Variants in GABPB1 observed in about 807,000 individuals in gnomAD.
GABPB1 encodes the protein GA binding protein transcription factor subunit beta 1.
A neutral mutation model predicts 45.9 loss-of-function variants in GABPB1; 15 were observed. That is an observed-to-expected ratio of 0.33 (90% CI 0.22 to 0.50). The LOEUF is 0.50. Among genes scored for constraint, GABPB1 ranks in the 20% least tolerant of loss-of-function variants. The pLI is 0.98. For synonymous variants in GABPB1, 143 were observed against 154.4 expected, an observed-to-expected ratio of 0.93 and a Z score of 0.55; for missense variants, 252 against 457.5, an observed-to-expected ratio of 0.55 and a Z score of 4.10.
At chr15:50,282,655 C>T (rs1029868881) in intron 8 of GABPB1, among the ~76,000 whole-genome samples, 10 of 147,908 alleles carry the variant, frequency 6.8e-5, no homozygotes, top group African/African-American at 2.2e-4. Flanking sequence ...GATTGAAAAG[C>T]TTTGCATCAA....
At chr15:50,304,833 C>T (rs2046885674) in intron 2 of GABPB1, among the ~76,000 whole-genome samples, 1 of 152,052 alleles carries the variant, frequency 6.6e-6, no homozygotes, top group Admixed American at 6.6e-5. Context: ...TAAAATTCAT[C>T]TCAAATAAAT....
intron 1 of GABPB1, among the ~76,000 whole-genome samples, chr15:50,315,426 C>G (rs1022016524): frequency 3.3e-5 from 5 of 152,190 alleles, no homozygotes; most frequent in African/African-American, 1.2e-4. Flanking sequence ...GCCACTGCAC[C>G]CAGCAACTAT....
At chr15:50,295,444 C>T (rs1008203702) in intron 6 of GABPB1, among the ~76,000 whole-genome samples, 2 of 152,110 alleles carry the variant, frequency 1.3e-5, no homozygotes, top group African/African-American at 4.8e-5. Context: ...TCCCTACTAA[C>T]GCCTACTTTA....
At chr15:50,308,735 CTCTT>C (rs2047028931) in intron 2 of GABPB1, among the ~76,000 whole-genome samples, 1 of 152,166 alleles carries the variant, frequency 6.6e-6, no homozygotes, top group African/African-American at 2.4e-5. Context: ...GGTTGATAAT[CTCTT>C]TCTTTCTAAT....
chr15:50,337,590 C>A (rs2048195567), intron 1 of GABPB1, among the ~76,000 whole-genome samples: 1 of 151,798 alleles, frequency 6.6e-6, no homozygotes, highest in Non-Finnish European at 1.5e-5. Flanking sequence ...ATGAAGGAAC[C>A]TCATCTCCAC....
chr15:50,342,982 G>GC (rs60546071), intron 1 of GABPB1, among the ~76,000 whole-genome samples: 152,318 of 152,318 alleles, frequency 1, 76,159 homozygotes, highest in Non-Finnish European at 1. Flanking sequence ...CTCACTGCAA[G>GC]TCCGCCTCCC....
chr15:50,311,646 T>A (rs901291490), intron 1 of GABPB1, among the ~76,000 whole-genome samples: 2 of 83,236 alleles, frequency 2.4e-5, no homozygotes, highest in African/African-American at 1.6e-4. Flanking sequence ...AAACCCAAAA[T>A]CGGAAACATT....
Position 50,297,416 on chromosome 15 carries a change from A to G in GABPB1, c.697+3373T>C, listed in dbSNP as rs187234139. ...TTAGTAGAGACAGGGTTTCAGAAACATGTTGGCCAAGCTGGTCTTGAACTC... is the reference window on the plus strand; with the variant it reads ...TTAGTAGAGACAGGGTTTCAGAAACGTGTTGGCCAAGCTGGTCTTGAACTC... On this transcript the variant is annotated intron_variant, in intron 6 of 8. Transcript: ENST00000380877. Among the ~76,000 whole-genome samples, 826 of 152,072 alleles carry G rather than the reference A, an allele frequency of 5.4e-3. 6 individuals are homozygous for G. The highest frequency in any genetic ancestry group is 0.019 in the African/African-American group (791 of 41,482).
intron 1 of GABPB1, among the ~76,000 whole-genome samples, chr15:50,346,764 G>A (rs7180851): frequency 6.7e-6 from 1 of 148,822 alleles, no homozygotes; most frequent in East Asian, 2.0e-4. Flanking sequence ...TCATGTGGAA[G>A]AAAGAGCTAA....
chr15:50,277,320 T>C lies in GABPB1; in HGVS notation c.*1312A>G, dbSNP rs1315493726. On this transcript the variant is annotated 3_prime_UTR_variant, in exon 9 of 9. Coordinates refer to ENST00000380877, the MANE Select transcript of GABPB1 (RefSeq NM_016654.5). ...GGCCAGAGTACAGTTTTAAGGGTAA[T>C]TGCTTTTTTATACAGTATAGATAAC... is the stretch of plus-strand genomic sequence containing the variant. The C allele has an allele frequency of 1.3e-5, 2 of 152,124 alleles. No homozygotes were observed. Among genetic ancestry groups the C allele is most frequent in the Non-Finnish European group, 2.9e-5 (2 of 68,014 alleles). The allele number at this position is 152,124 out of a possible 1,614,324, so 9.4% of individuals were successfully genotyped here.
chr15:50,296,344 A>G (rs2046510132), intron 6 of GABPB1, among the ~76,000 whole-genome samples: 1 of 152,160 alleles, frequency 6.6e-6, no homozygotes, highest in Non-Finnish European at 1.5e-5. Context: ...TTATTTCAAC[A>G]GACTACCTAT....
chr15:50,294,368 G>A (rs1415555682), intron 6 of GABPB1, among the ~76,000 whole-genome samples: 1 of 152,016 alleles, frequency 6.6e-6, no homozygotes, highest in Non-Finnish European at 1.5e-5. Context: ...ACAAAAATTA[G>A]CTGGGCGTGG....
intron 1 of GABPB1, among the ~76,000 whole-genome samples, chr15:50,341,393 A>G (rs1334631997): frequency 6.6e-6 from 1 of 152,116 alleles, no homozygotes; most frequent in African/African-American, 2.4e-5. Context: ...TTAGCCAGGC[A>G]TGGCGGTGCA....
At chr15:50,346,452 T>C (rs11639406) in intron 1 of GABPB1, 75,051 of 151,996 alleles carry the variant, frequency 0.49, 19,609 homozygotes, top group Middle Eastern at 0.65. Flanking sequence ...AGGAGTCCAG[T>C]AAAATATAAA....
At chr15:50,348,463 C>A (rs902293609) in intron 1 of GABPB1, among the ~76,000 whole-genome samples, 3 of 151,762 alleles carry the variant, frequency 2.0e-5, no homozygotes, top group Non-Finnish European at 4.4e-5. Flanking sequence ...GTTGGCCAGG[C>A]TGGTCTCGAA....
chr15:50,339,779 C>T (rs906957980), intron 1 of GABPB1, among the ~76,000 whole-genome samples: 2 of 152,096 alleles, frequency 1.3e-5, no homozygotes, highest in Non-Finnish European at 2.9e-5. Flanking sequence ...AAATTATACC[C>T]ATACACACTA....
chr15:50,333,768 C>T (rs2048023523), intron 1 of GABPB1, among the ~76,000 whole-genome samples: 1 of 152,126 alleles, frequency 6.6e-6, no homozygotes, highest in Non-Finnish European at 1.5e-5. Flanking sequence ...GTGGCTCACG[C>T]CTGTAATGCC....
Position 50,282,561 on chromosome 15 carries a change from A to AAG in GABPB1, c.999+3506_999+3507insCT, listed in dbSNP as rs1491165062. 9.2e-3 allele frequency among the ~76,000 whole-genome samples: 719 copies of AAG among 78,398 alleles called. 14 individuals are homozygous for AAG. The highest frequency in any genetic ancestry group is 0.065 in the African/African-American group (687 of 10,542). The allele number at this position is 78,398 out of a possible 152,430, so 51.4% of individuals were successfully genotyped here. A position where few individuals can be genotyped will look rare whatever the true frequency, so the allele number is the denominator to read the frequency against. ...AAAGTGAGACCCTGCCTTAAAAAAG[A>AAG]AAAAAAAAAAAAAACAGAGACGGAT... is the stretch of plus-strand genomic sequence containing the variant. On this transcript the variant is annotated intron_variant, in intron 8 of 8. Coordinates refer to ENST00000380877, the MANE Select transcript of GABPB1 (RefSeq NM_016654.5).
chr15:50,310,726 C>T (rs1024324678), intron 1 of GABPB1, among the ~76,000 whole-genome samples: 3 of 152,164 alleles, frequency 2.0e-5, no homozygotes, highest in African/African-American at 7.2e-5. Flanking sequence ...TCCCTGTAAT[C>T]CCAGCAGTCT....
Sources: gnomAD v4.1 joint callset for allele counts (sites outside exome capture counted in the v4.1 genomes callset) on GRCh38, gnomAD v4.1.1 for gene constraint, MANE v1.5 for transcripts, NCBI Gene and HGNC (gene_info 2026-07-23, HGNC 2026-07-21) for gene names.